Variants in NAV1 observed in about 807,000 individuals in gnomAD.
The protein encoded by NAV1 is neuron navigator 1.
NAV1 carries 18 observed loss-of-function variants against 175.2 expected under a neutral mutation model. The ratio of observed to expected loss-of-function variants is 0.10; its 90% CI spans 0.07 to 0.15. The LOEUF (loss-of-function observed/expected upper bound fraction) is 0.15. Among genes scored for constraint, NAV1 ranks in the 10% least tolerant of loss-of-function variants. The pLI, the probability that NAV1 is intolerant of heterozygous loss-of-function variation, is 1.00. For synonymous variants in NAV1, 897 were observed against 978.7 expected, an observed-to-expected ratio of 0.92 and a Z score of 1.56; for missense variants, 1,731 against 2,436.6, an observed-to-expected ratio of 0.71 and a Z score of 6.10.
intron 1 of NAV1, among the ~76,000 whole-genome samples, chr1:201,690,534 T>G (rs1174541097): frequency 6.6e-6 from 1 of 151,826 alleles, no homozygotes; most frequent in Non-Finnish European, 1.5e-5. Context: ...CTCCATGGCC[T>G]GTCCGTGGCA....
At chr1:201,665,363 G>C (rs1669780459) in intron 1 of NAV1, among the ~76,000 whole-genome samples, 1 of 152,126 alleles carries the variant, frequency 6.6e-6, no homozygotes, top group African/African-American at 2.4e-5. Context: ...AACAGTGTCA[G>C]TTCCTGGAGC....
At chr1:201,586,587 C>T (rs558717442) in intron 1 of NAV1, among the ~76,000 whole-genome samples, 22 of 152,000 alleles carry the variant, frequency 1.4e-4, no homozygotes, top group African/African-American at 5.3e-4. Context: ...AGGTGGCTGC[C>T]TTCTCCCTGG....
rs775110393 is a variant in NAV1 at position 201,813,301 on chromosome 1, C to G, written c.5340+43C>G. Reference sequence around the variant, plus strand: ...CACTCAAACCCTAAGATCAGGCTGTCCTACCTAACAAAGTAGGAATGTTTC... The same window carrying G: ...CACTCAAACCCTAAGATCAGGCTGTGCTACCTAACAAAGTAGGAATGTTTC... On this transcript the variant is annotated intron_variant, in intron 28 of 29. Transcript: ENST00000367296. This position sits in a 1 kb window ranked among gnomAD's most constrained non-coding sequence, Gnocchi z 4.2. The G allele has an allele frequency of 1.9e-5, 24 of 1,255,174 alleles. No homozygotes were observed. The highest frequency in any genetic ancestry group is 2.8e-5 in the Non-Finnish European group (24 of 864,666). 77.8% of individuals were successfully genotyped at this position (1,255,174 alleles called of 1,614,324 possible). A position where few individuals can be genotyped will look rare whatever the true frequency, so the allele number is the denominator to read the frequency against.
chr1:201,599,170 C>A (rs1380530079), intron 2 of NAV1, among the ~76,000 whole-genome samples: 1 of 152,214 alleles, frequency 6.6e-6, no homozygotes, highest in Non-Finnish European at 1.5e-5. Context: ...CAAGGAGAAC[C>A]CTCTGGGACA....
intron 1 of NAV1, among the ~76,000 whole-genome samples, chr1:201,667,427 A>C (rs1488735340): frequency 6.6e-6 from 1 of 152,144 alleles, no homozygotes; most frequent in Non-Finnish European, 1.5e-5. Flanking sequence ...GCCAGGTGGG[A>C]TCATCATCCC....
In NAV1 at chr1:201,787,761, G is replaced by A; in HGVS notation, c.2996-707G>A. 2.2e-6 allele frequency: 1 copy of A among 455,482 alleles called. No homozygotes were observed. Among genetic ancestry groups the A allele is most frequent in the Admixed American group, 2.3e-5 (1 of 42,554 alleles). 28.2% of individuals were successfully genotyped at this position (455,482 alleles called of 1,614,324 possible). On this transcript the variant is annotated intron_variant, in intron 9 of 29. Coordinates refer to ENST00000367296, the Ensembl canonical transcript of NAV1. The surrounding 1 kb of genome is among the most constrained non-coding windows in gnomAD (Gnocchi z 4.3). ...TGAAAGGCTGTAATCCCAGCAATGG[G>A]CAAAGGGGTAAGGCATCTGCAGGTT...
chr1:201,645,129 T>C (rs1268637166), upstream of NAV1, among the ~76,000 whole-genome samples: 1 of 151,972 alleles, frequency 6.6e-6, no homozygotes, highest in Non-Finnish European at 1.5e-5. Flanking sequence ...CTATTCACAA[T>C]AGCAAAGACT....
intron 1 of NAV1, among the ~76,000 whole-genome samples, chr1:201,564,619 T>C (rs1187428335): frequency 1.3e-5 from 2 of 152,204 alleles, no homozygotes; most frequent in Non-Finnish European, 2.9e-5. Flanking sequence ...TGAGACTCTG[T>C]CTCAAATAAA....
At chr1:201,704,338 A>C (rs1671571477) in intron 1 of NAV1, among the ~76,000 whole-genome samples, 1 of 152,206 alleles carries the variant, frequency 6.6e-6, no homozygotes, top group African/African-American at 2.4e-5. Flanking sequence ...GCTGCGCTGC[A>C]GTCGCAGCAA....
intron 1 of NAV1, among the ~76,000 whole-genome samples, chr1:201,548,959 G>A (rs1397856774): frequency 6.6e-6 from 1 of 152,218 alleles, no homozygotes; most frequent in South Asian, 2.1e-4. Flanking sequence ...AATGGAGTTG[G>A]GAAGAGGTGG....
chr1:201,782,850 C>T lies in NAV1; in HGVS notation c.2338C>T (p.Leu780=). ...CCCCACAGCCACCAAGCTGGCAGAG[C>T]TGCCACCAACCCCTCTCAGGTACCC... The change falls in exon 6 of 30, where the codon CTG becomes TTG. Residue 780 remains leucine (L), a synonymous_variant. Coordinates refer to ENST00000367296, the Ensembl canonical transcript of NAV1. The surrounding 1 kb of genome is among the most constrained non-coding windows in gnomAD (Gnocchi z 5.4). 1 of 1,586,766 alleles carries T rather than the reference C, an allele frequency of 6.3e-7. No individual in the cohort carries two copies. Among genetic ancestry groups the T allele is most frequent in the African/African-American group, 1.3e-5 (1 of 74,164 alleles).
intron 3 of NAV1, 128 bp from the exon 8 acceptor site, chr1:201,780,293 C>A: frequency 1.9e-6 from 2 of 1,037,076 alleles, no homozygotes; most frequent in Non-Finnish European, 2.8e-6. Context: ...CTAGGACAAA[C>A]CCCCAGGTTT....
intron 1 of NAV1, among the ~76,000 whole-genome samples, chr1:201,554,350 G>A (rs1665951204): frequency 6.6e-6 from 1 of 152,178 alleles, no homozygotes; most frequent in African/African-American, 2.4e-5. Flanking sequence ...CCTAATGGCA[G>A]GGACCACGTC....
intron 11 of NAV1, 86 bp from the exon 16 acceptor site, chr1:201,790,468 C>G (rs1161239710): frequency 2.0e-6 from 3 of 1,476,580 alleles, no homozygotes; most frequent in South Asian, 2.3e-5. Context: ...ACATTTCCTA[C>G]CCTGCCACTG....
rs563915134 is a variant in NAV1 at position 201,740,248 on chromosome 1, G to T, written c.1226+21493G>T. Among the ~76,000 whole-genome samples the T allele has an allele frequency of 2.0e-5, 3 of 152,346 alleles. No homozygotes were observed. Among genetic ancestry groups the T allele is most frequent in the Admixed American group, 6.5e-5 (1 of 15,308 alleles). ...CTTGGCCGCGCTCGCTTTTCCGCCA[G>T]AGAGGAGTGCCTGCGCCGCCGGAGC... On this transcript the variant is annotated intron_variant, in intron 3 of 29. Coordinates refer to ENST00000367296, the Ensembl canonical transcript of NAV1. This position sits in a 1 kb window ranked among gnomAD's most constrained non-coding sequence, Gnocchi z 4.7.
At chr1:201,583,151 A>G (rs1285701355) in intron 1 of NAV1, among the ~76,000 whole-genome samples, 1 of 152,204 alleles carries the variant, frequency 6.6e-6, no homozygotes, top group Non-Finnish European at 1.5e-5. Context: ...GGCTTGGCCC[A>G]TTTGGTGATT....
intron 3 of NAV1, among the ~76,000 whole-genome samples, chr1:201,721,005 C>T (rs1214489108): frequency 1.3e-5 from 2 of 151,910 alleles, no homozygotes; most frequent in African/African-American, 4.8e-5. Context: ...CCCCTTTATC[C>T]CCCCTCTAAC....
At chr1:201,780,624 C>T in intron 4 of NAV1, 65 bp downstream of exon 8, 2 of 1,603,046 alleles carry the variant, frequency 1.2e-6, no homozygotes, top group East Asian at 2.2e-5. Flanking sequence ...ATGGCATTAT[C>T]TGTGTATGGG....
chr1:201,808,884 G>A lies in NAV1; in HGVS notation c.4207+13G>A, dbSNP rs1478387962. On this transcript the variant is annotated intron_variant, in intron 20 of 29. Transcript: ENST00000367296. The surrounding 1 kb of genome is among the most constrained non-coding windows in gnomAD (Gnocchi z 5.5). Reference sequence around the variant, plus strand: ...CTTGCAGACACAGGTACCTGTGTGGGAGAAGAATCTATAAGGGTGAAGGGA... The same window carrying A: ...CTTGCAGACACAGGTACCTGTGTGGAAGAAGAATCTATAAGGGTGAAGGGA... 6.2e-7 allele frequency: 1 copy of A among 1,606,974 alleles called. No homozygotes were observed. The highest frequency in any genetic ancestry group is 8.5e-7 in the Non-Finnish European group (1 of 1,175,920).
Sources: gnomAD v4.1 joint callset for allele counts (sites outside exome capture counted in the v4.1 genomes callset) on GRCh38, gnomAD v4.1.1 for gene constraint, Gnocchi (gnomAD v3.1) non-coding constraint, MANE v1.5 for transcripts, NCBI Gene and HGNC (gene_info 2026-07-23, HGNC 2026-07-21) for gene names.